NPIPB2: variants seen among roughly 807,000 people sequenced by gnomAD.
The protein encoded by NPIPB2 is nuclear pore complex interacting protein family member B2.
A neutral mutation model predicts 30.8 loss-of-function variants in NPIPB2; 27 were observed. The observed-to-expected ratio is 0.88, with a 90% CI of 0.65 to 1.21. The LOEUF is 1.21. Ranked by LOEUF, NPIPB2 falls within the 50% of genes most tolerant of loss-of-function variation. The pLI, the probability that NPIPB2 is intolerant of heterozygous loss-of-function variation, is 0.00. For missense variants in NPIPB2, 440 were observed against 446.2 expected, an observed-to-expected ratio of 0.99 and a Z score of 0.13; for synonymous variants, 147 against 162.0, an observed-to-expected ratio of 0.91 and a Z score of 0.70.
intron 1 of NPIPB2, among the ~76,000 whole-genome samples, chr16:11,968,922 A>G (rs1167894106): frequency 6.7e-6 from 1 of 149,530 alleles, no homozygotes; most frequent in Non-Finnish European, 1.5e-5. Flanking sequence ...GCTGGAGTGC[A>G]GTGGCATGAT....
intron 1 of NPIPB2, chr16:11,964,964 G>A (rs1245334046): frequency 3.0e-6 from 1 of 331,690 alleles, no homozygotes; most frequent in Non-Finnish European, 5.6e-6. Context: ...TCCAGAAACT[G>A]TTACTGAACA....
At chr16:11,967,575 G>C in intron 1 of NPIPB2, 1 of 1,611,600 alleles carries the variant, frequency 6.2e-7, no homozygotes, top group Non-Finnish European at 8.5e-7. Context: ...ATTAGGATCA[G>C]GTCTCCTGGG....
chr16:11,948,028 C>T (rs986671218), intron 1 of NPIPB2, among the ~76,000 whole-genome samples: 3 of 149,422 alleles, frequency 2.0e-5, no homozygotes, highest in African/African-American at 7.4e-5. Flanking sequence ...CCTCCCCCTG[C>T]ATTCTCCAGC....
upstream of NPIPB2, among the ~76,000 whole-genome samples, chr16:11,943,329 A>G (rs1396370175): frequency 6.6e-6 from 1 of 152,188 alleles, no homozygotes; most frequent in Admixed American, 6.5e-5. Context: ...AAAAACAGCA[A>G]CAACTACAAA....
chr16:11,963,596 G>A (rs12926535), intron 1 of NPIPB2, among the ~76,000 whole-genome samples: 16,847 of 151,838 alleles, frequency 0.11, 1,343 homozygotes, highest in Admixed American at 0.19. Context: ...AGCCTTTTTT[G>A]TGCTCCCCTT....
Position 11,969,477 on chromosome 16 carries a change from G to T in NPIPB2, c.-584+7091C>A, listed in dbSNP as rs373696164. ...TCACCATCTTCGCCAGACTGGTCTT[G>T]AACTCCTGACCTCGTGATCCACCTG... On this transcript the variant is annotated intron_variant, in intron 1 of 5. Transcript: ENST00000538896. Among the ~76,000 whole-genome samples, 7 of 152,098 alleles carry T rather than the reference G, an allele frequency of 4.6e-5. No homozygotes were observed. In the East Asian group the frequency reaches 9.7e-4, roughly 21 times the overall value.
At chr16:11,948,339 C>G (rs536865246) in intron 1 of NPIPB2, among the ~76,000 whole-genome samples, 2 of 152,248 alleles carry the variant, frequency 1.3e-5, no homozygotes, top group South Asian at 4.1e-4. Flanking sequence ...GACAATTGGT[C>G]ATTGTGCGTC....
At chr16:11,944,623 C>T (rs184183595), upstream of NPIPB2, among the ~76,000 whole-genome samples, 149 of 143,288 alleles carry the variant, frequency 1.0e-3, 1 homozygote, top group African/African-American at 3.6e-3. Flanking sequence ...ATTAGCTGGG[C>T]GTGGTGGTGC....
intron 1 of NPIPB2, chr16:11,941,158 C>T: frequency 7.3e-6 from 11 of 1,502,164 alleles, no homozygotes; most frequent in African/African-American, 1.5e-5. Context: ...GCGGGTCCAG[C>T]GTCTACTCAC....
At chr16:11,962,074 C>T (rs530346115) in intron 1 of NPIPB2, among the ~76,000 whole-genome samples, 10 of 151,406 alleles carry the variant, frequency 6.6e-5, no homozygotes, top group East Asian at 3.9e-4. Context: ...GTGGCATGTG[C>T]GTAGTCCTAG....
At chr16:11,970,034 A>T (rs2055226763) in intron 1 of NPIPB2, among the ~76,000 whole-genome samples, 1 of 151,242 alleles carries the variant, frequency 6.6e-6, no homozygotes, top group South Asian at 2.1e-4. Flanking sequence ...GCCTATACTA[A>T]CTCATTTTAA....
At chr16:11,947,380 T>C (rs1348372928) in intron 1 of NPIPB2, among the ~76,000 whole-genome samples, 1 of 150,564 alleles carries the variant, frequency 6.6e-6, no homozygotes, top group East Asian at 1.9e-4. Flanking sequence ...AGTCTCGCTC[T>C]GTCGCCCAGG....
intron 2 of NPIPB2, among the ~76,000 whole-genome samples, chr16:11,936,422 A>G (rs1204595029): frequency 1.3e-5 from 2 of 148,946 alleles, no homozygotes; most frequent in East Asian, 2.0e-4. Context: ...CATAACTCAT[A>G]TATTTTCTGT....
At chr16:11,950,039 T>A (rs990768202) in intron 1 of NPIPB2, among the ~76,000 whole-genome samples, 2 of 152,140 alleles carry the variant, frequency 1.3e-5, no homozygotes, top group African/African-American at 4.8e-5. Flanking sequence ...TTATTTTTTA[T>A]GTTTTATTTT....
At chr16:11,946,451 T>C (rs11647002), upstream of NPIPB2, among the ~76,000 whole-genome samples, 8,391 of 148,280 alleles carry the variant, frequency 0.057, 330 homozygotes, top group Middle Eastern at 0.1. Flanking sequence ...CCTTTAGTCC[T>C]AGCCACTAAG....
chr16:11,948,610 CAA>C (rs1253716477), intron 1 of NPIPB2, among the ~76,000 whole-genome samples: 3 of 150,920 alleles, frequency 2.0e-5, no homozygotes, highest in Non-Finnish European at 4.4e-5. Flanking sequence ...ACTAAAAATA[CAA>C]AAAAATTAGC....
intron 1 of NPIPB2, among the ~76,000 whole-genome samples, chr16:11,972,557 A>G (rs906607881): frequency 2.0e-5 from 3 of 151,788 alleles, no homozygotes; most frequent in African/African-American, 7.3e-5. Flanking sequence ...CATGAGTAAC[A>G]CAGTGAGACC....
chr16:11,948,269 C>T (rs1055314347), intron 1 of NPIPB2, among the ~76,000 whole-genome samples: 1 of 151,990 alleles, frequency 6.6e-6, no homozygotes, highest in Non-Finnish European at 1.5e-5. Context: ...AATAAAGAAG[C>T]ACTCCTAATG....
chr16:11,949,720 T>A (rs901324127), intron 1 of NPIPB2, among the ~76,000 whole-genome samples: 5 of 152,226 alleles, frequency 3.3e-5, no homozygotes, highest in African/African-American at 1.2e-4. Context: ...TGGAGCTGGC[T>A]GGACAGCATT....
Sources: gnomAD v4.1 joint callset for allele counts (sites outside exome capture counted in the v4.1 genomes callset) on GRCh38, gnomAD v4.1.1 for gene constraint, MANE v1.5 for transcripts, NCBI Gene and HGNC (gene_info 2026-07-23, HGNC 2026-07-21) for gene names.